Variants in RAP1A observed in about 807,000 individuals in gnomAD.
The protein encoded by RAP1A is ras-related protein Rap-1A.
Under a neutral mutation model 26.4 loss-of-function variants are expected in RAP1A, and 6 were observed. The ratio of observed to expected loss-of-function variants is 0.23; its 90% CI spans 0.12 to 0.45. RAP1A has a LOEUF of 0.45. Ranked by LOEUF, RAP1A falls within the 20% of genes least tolerant of loss-of-function variation. RAP1A has a pLI of 0.99. For missense variants in RAP1A, 121 were observed against 217.2 expected (o/e 0.56, Z 2.78); for synonymous variants, 73 against 79.4 (o/e 0.92, Z 0.43).
intron 1 of RAP1A, among the ~76,000 whole-genome samples, chr1:111,592,462 G>A (rs1190765554): frequency 6.6e-6 from 1 of 152,190 alleles, no homozygotes. Context: ...GTATATTGGG[G>A]AGCAGGAAAC....
At chr1:111,627,049 C>T (rs1273642301) in intron 1 of RAP1A, among the ~76,000 whole-genome samples, 1 of 152,052 alleles carries the variant, frequency 6.6e-6, no homozygotes, top group Non-Finnish European at 1.5e-5. Context: ...GTAATATGCC[C>T]TTGTTAGGTT....
intron 1 of RAP1A, among the ~76,000 whole-genome samples, chr1:111,549,406 C>T (rs543552675): frequency 6.7e-6 from 1 of 149,122 alleles, no homozygotes; most frequent in African/African-American, 2.5e-5. Context: ...CCCAGCACTT[C>T]GGGAGGCTGA....
intron 1 of RAP1A, among the ~76,000 whole-genome samples, chr1:111,672,376 A>ATT (rs1661001057): frequency 6.6e-6 from 1 of 152,266 alleles, no homozygotes; most frequent in African/African-American, 2.4e-5. Context: ...TGAGATTGTT[A>ATT]TTTAGGATAC....
At chr1:111,636,059 A>T (rs959662863) in intron 1 of RAP1A, among the ~76,000 whole-genome samples, 1 of 152,166 alleles carries the variant, frequency 6.6e-6, no homozygotes, top group Non-Finnish European at 1.5e-5. Context: ...ACGACTTAAT[A>T]GTTTAGACCT....
At chr1:111,607,307 A>C (rs1216131726) in intron 1 of RAP1A, among the ~76,000 whole-genome samples, 3 of 152,152 alleles carry the variant, frequency 2.0e-5, no homozygotes, top group Non-Finnish European at 2.9e-5. Context: ...GAGTGGACAC[A>C]GCACATGATT....
At chr1:111,626,709 T>G (rs1029634364) in intron 1 of RAP1A, among the ~76,000 whole-genome samples, 3 of 152,224 alleles carry the variant, frequency 2.0e-5, no homozygotes, top group Non-Finnish European at 4.4e-5. Context: ...TTTAGTTAGT[T>G]TGCAAAATGA....
At position 111,715,931 on chromosome 1, in the gene RAP1A, G is replaced by A. The variant is rs1196913089; in HGVS notation, c.*3530G>A. On this transcript the variant is annotated 3_prime_UTR_variant, in exon 8 of 8. Transcript: ENST00000369709. ...CCTCAGTTTTGTCTTAGGCACTGAG[G>A]GACAGAAAGAGAAATAAGGAATACC... 1 of 152,124 alleles carries A rather than the reference G, an allele frequency of 6.6e-6. No homozygotes were observed. Among genetic ancestry groups the A allele is most frequent in the Non-Finnish European group, 1.5e-5 (1 of 68,030 alleles). 9.4% of individuals were successfully genotyped at this position (152,124 alleles called of 1,614,324 possible).
At chr1:111,611,691 A>G (rs1658929388) in intron 1 of RAP1A, among the ~76,000 whole-genome samples, 1 of 103,812 alleles carries the variant, frequency 9.6e-6, no homozygotes, top group African/African-American at 3.5e-5. Context: ...TAATTTGCCC[A>G]AGGTTACACA....
intron 1 of RAP1A, among the ~76,000 whole-genome samples, chr1:111,681,914 A>G (rs1288365383): frequency 6.6e-6 from 1 of 152,226 alleles, no homozygotes; most frequent in Non-Finnish European, 1.5e-5. Context: ...CAAGGTTGAA[A>G]CGAAGGAAAA....
rs191777485 is a variant in RAP1A at position 111,587,268 on chromosome 1, A to T, written c.-28+44759A>T. Among the ~76,000 whole-genome samples the T allele has an allele frequency of 9.6e-4, 146 of 152,220 alleles. 1 individual carries two copies. The highest frequency in any genetic ancestry group is 3.3e-3 in the African/African-American group (139 of 41,522). On this transcript the variant is annotated intron_variant, in intron 1 of 7. Coordinates refer to the RAP1A transcript ENST00000356415. ...ATTCTTCTCAACAGCTCTCTCACGC[A>T]TTCTCTTTTTTTCCTTAAACCCTCA...
At chr1:111,565,992 G>A (rs748455262) in intron 1 of RAP1A, among the ~76,000 whole-genome samples, 7 of 151,962 alleles carry the variant, frequency 4.6e-5, no homozygotes, top group Non-Finnish European at 8.8e-5. Context: ...TGGCACCTTC[G>A]AGGAGGAACA....
chr1:111,688,540 G>A lies in RAP1A; in HGVS notation c.-27-2794G>A, dbSNP rs117319063. Among the ~76,000 whole-genome samples, 213 of 151,872 alleles carry A rather than the reference G, an allele frequency of 1.4e-3. 5 individuals are homozygous for A. The East Asian group carries it at 0.034, about 24-fold the overall frequency. ...TCGCCGTGTTGCCCAGGCTGGTTGCGAACTCCTGAGCTCAGGCAATTTGCC... is the reference window on the plus strand; with the variant it reads ...TCGCCGTGTTGCCCAGGCTGGTTGCAAACTCCTGAGCTCAGGCAATTTGCC... On this transcript the variant is annotated intron_variant, in intron 1 of 7. Transcript: ENST00000369709.
intron 1 of RAP1A, among the ~76,000 whole-genome samples, chr1:111,609,472 A>G (rs1658881195): frequency 6.6e-6 from 1 of 152,108 alleles, no homozygotes; most frequent in Admixed American, 6.5e-5. Context: ...CCCTTTGGTT[A>G]CAGAGTCTTC....
intron 1 of RAP1A, among the ~76,000 whole-genome samples, chr1:111,579,607 G>A (rs1658212219): frequency 1.3e-5 from 2 of 151,962 alleles, no homozygotes; most frequent in Admixed American, 1.3e-4. Flanking sequence ...CTTATGATGG[G>A]GTCACATTGT....
At chr1:111,664,563 T>A (rs895493649) in intron 1 of RAP1A, among the ~76,000 whole-genome samples, 3 of 152,130 alleles carry the variant, frequency 2.0e-5, no homozygotes, top group African/African-American at 7.2e-5. Flanking sequence ...TATAACATTC[T>A]GTCTACCTAC....
chr1:111,674,427 G>C (rs1338844593), intron 1 of RAP1A, among the ~76,000 whole-genome samples: 2 of 151,812 alleles, frequency 1.3e-5, no homozygotes, highest in African/African-American at 4.8e-5. Context: ...TTCTTACCTT[G>C]CTTCTCTTTC....
chr1:111,636,600 C>T (rs1464798160), intron 1 of RAP1A, among the ~76,000 whole-genome samples: 1 of 151,828 alleles, frequency 6.6e-6, no homozygotes, highest in Non-Finnish European at 1.5e-5. Context: ...TTTCCTGCCT[C>T]AGCCTTCTGA....
chr1:111,701,691 C>G (rs1055897167), intron 4 of RAP1A, among the ~76,000 whole-genome samples: 2 of 152,188 alleles, frequency 1.3e-5, no homozygotes. Flanking sequence ...TTTTCTTAAA[C>G]TGGATTTTCA....
chr1:111,588,313 T>G (rs1658417381), intron 1 of RAP1A, among the ~76,000 whole-genome samples: 1 of 152,230 alleles, frequency 6.6e-6, no homozygotes, highest in African/African-American at 2.4e-5. Context: ...TGGATCATCA[T>G]AGTGGGCTGC....
Sources: allele counts gnomAD v4.1 joint callset (sites outside exome capture counted in the v4.1 genomes callset), GRCh38; gene constraint gnomAD v4.1.1; transcripts MANE v1.5; gene names NCBI Gene and HGNC (gene_info 2026-07-23, HGNC 2026-07-21).